CAP2: variants seen among roughly 807,000 people sequenced by gnomAD.
The protein encoded by CAP2 is cyclase associated actin cytoskeleton regulatory protein 2.
A neutral mutation model predicts 57.7 loss-of-function variants in CAP2; 24 were observed. That is an observed-to-expected ratio of 0.42 (90% confidence interval 0.30 to 0.58). The LOEUF is 0.58. Among genes scored for constraint, CAP2 ranks in the 20% least tolerant of loss-of-function variants. The pLI is 0.22. For synonymous variants in CAP2, 194 were observed against 207.2 expected (o/e 0.94, Z 0.55); for missense variants, 501 against 590.3 (o/e 0.85, Z 1.57).
chr6:17,451,511 A>C (rs1005790474), intron 3 of CAP2, among the ~76,000 whole-genome samples: 1 of 151,816 alleles, frequency 6.6e-6, no homozygotes, highest in African/African-American at 2.4e-5. Flanking sequence ...TATTCAGAAA[A>C]TACTTTTTTT....
In CAP2 at chr6:17,426,513, G is replaced by A. The variant is rs1015079670; in HGVS notation, c.122-77G>A. The A allele has an allele frequency of 1.9e-5, 19 of 1,019,170 alleles. No homozygotes were observed. In the African/African-American group the frequency reaches 2.8e-4, roughly 15 times the overall value. 63.1% of individuals were successfully genotyped at this position (1,019,170 alleles called of 1,614,324 possible). On this transcript the variant is annotated intron_variant, in intron 2 of 12. Coordinates refer to ENST00000229922, the MANE Select transcript of CAP2 (RefSeq NM_006366.3). The stretch of plus-strand genomic sequence containing the variant: ...GACTCCCAAAGTGCTAGGATTACAG[G>A]TGTGAGCCACCGTGCCCGGCTAGTC...
In CAP2 at chr6:17,436,705, AC is replaced by A. The variant is rs1284234110; in HGVS notation, c.222+10016del. On this transcript the variant is annotated intron_variant, in intron 3 of 12. Transcript: ENST00000229922. ...GCTCCAGTCTCCTCTCAAGCCTTCC[AC>A]TGACTGAACCCAGTGAGAATCCAGG... Among the ~76,000 whole-genome samples the A allele has an allele frequency of 5.3e-5, 8 of 152,076 alleles. No homozygotes were observed. In the East Asian group the frequency reaches 1.6e-3, roughly 30 times the overall value.
At chr6:17,439,255 G>GT (rs36031913) in intron 3 of CAP2, among the ~76,000 whole-genome samples, 92,829 of 146,522 alleles carry the variant, frequency 0.63, 30,488 homozygotes, top group East Asian at 0.86. Flanking sequence ...GGATCCAACT[G>GT]TTTTTTTTTT....
chr6:17,443,201 A>C (rs555545376), intron 3 of CAP2, among the ~76,000 whole-genome samples: 1 of 152,130 alleles, frequency 6.6e-6, no homozygotes, highest in African/African-American at 2.4e-5. Flanking sequence ...GCAGTGGGCC[A>C]CTATCACGGT....
At chr6:17,531,290 G>T in intron 7 of CAP2, 1 of 905,234 alleles carries the variant, frequency 1.1e-6, no homozygotes, top group Non-Finnish European at 1.8e-6. Flanking sequence ...TTCTGTTGAA[G>T]ATTTGACGAA....
At chr6:17,449,302 T>C (rs1760343199) in intron 3 of CAP2, among the ~76,000 whole-genome samples, 1 of 152,204 alleles carries the variant, frequency 6.6e-6, no homozygotes, top group African/African-American at 2.4e-5. Flanking sequence ...GGTTATCTAG[T>C]AGTATTTATA....
At chr6:17,486,556 A>G (rs988036044) in intron 4 of CAP2, among the ~76,000 whole-genome samples, 5 of 152,228 alleles carry the variant, frequency 3.3e-5, no homozygotes, top group Non-Finnish European at 7.3e-5. Context: ...CAGTAAGCCA[A>G]GATCACACCA....
intron 7 of CAP2, among the ~76,000 whole-genome samples, chr6:17,531,814 C>T (rs946294875): frequency 1.1e-4 from 17 of 152,168 alleles, no homozygotes; most frequent in Admixed American, 9.8e-4. Context: ...CCCAGACCGT[C>T]CTGAGGAGAG....
rs1369222880 is a variant in CAP2, at chr6:17,531,926, C to A, written c.637-7343C>A. Among the ~76,000 whole-genome samples, 3 of 152,176 alleles carry A rather than the reference C, an allele frequency of 2.0e-5. No individual in the cohort carries two copies. The East Asian group carries it at 5.8e-4, about 29-fold the overall frequency. On this transcript the variant is annotated intron_variant, in intron 7 of 12. Transcript: ENST00000229922. ...TACTTCTTTGTGCATTTGTCACCTC[C>A]ACTAGATTATGAGCTTCTTAAAAAA...
chr6:17,482,305 C>T (rs1036465805), intron 4 of CAP2, among the ~76,000 whole-genome samples: 1 of 151,948 alleles, frequency 6.6e-6, no homozygotes, highest in African/African-American at 2.4e-5. Flanking sequence ...GGTGGGAGAT[C>T]GAGACCATCC....
intron 4 of CAP2, 91 bp downstream of exon 4, chr6:17,463,164 G>A (rs1391375929): frequency 8.0e-6 from 7 of 872,376 alleles, no homozygotes; most frequent in Non-Finnish European, 1.3e-5. Context: ...TATTATAGTC[G>A]ACCTCCTAAA....
chr6:17,449,721 G>A (rs953369206), intron 3 of CAP2, among the ~76,000 whole-genome samples: 2 of 152,002 alleles, frequency 1.3e-5, no homozygotes, highest in Non-Finnish European at 2.9e-5. Context: ...TTATTTTATA[G>A]TTATATAATT....
intron 12 of CAP2, among the ~76,000 whole-genome samples, chr6:17,553,381 G>A (rs1324471133): frequency 1.3e-5 from 2 of 151,778 alleles, no homozygotes; most frequent in Non-Finnish European, 2.9e-5. Context: ...GCCTGTAAAT[G>A]CCAGCACTTT....
rs1554127023 is a variant in CAP2 at position 17,496,033 on chromosome 6, G to GGGC, written c.301-11134_301-11133insCGG. ...CTGTGCATGCGTGTGTGGGTGGGGG[G>GGGC]GGGGGGTAAGTCAGGGAAAACAGGC... On this transcript the variant is annotated intron_variant, in intron 4 of 12. Coordinates refer to ENST00000229922, the MANE Select transcript of CAP2 (RefSeq NM_006366.3). Among the ~76,000 whole-genome samples the GGGC allele has an allele frequency of 3.2e-4, 41 of 126,842 alleles. 2 individuals are homozygous for GGGC. Among genetic ancestry groups the GGGC allele is most frequent in the East Asian group, 5.0e-4 (2 of 3,970 alleles). The allele number at this position is 126,842 out of a possible 152,430, so 83.2% of individuals were successfully genotyped here. A position where few individuals can be genotyped will look rare whatever the true frequency, so the allele number is the denominator to read the frequency against.
chr6:17,538,842 C>CT (rs1304278769), intron 7 of CAP2, among the ~76,000 whole-genome samples: 2 of 152,206 alleles, frequency 1.3e-5, no homozygotes, highest in African/African-American at 4.8e-5. Flanking sequence ...TATTTTTACC[C>CT]TTCCCCACAC....
At chr6:17,454,360 C>G (rs1271112900) in intron 3 of CAP2, among the ~76,000 whole-genome samples, 2 of 151,992 alleles carry the variant, frequency 1.3e-5, no homozygotes, top group South Asian at 2.1e-4. Context: ...TAGACTCATC[C>G]AAGCCTTTTA....
At chr6:17,421,526 A>C (rs765289811) in intron 1 of CAP2, 29 bp from the exon 2 acceptor site, 1 of 1,614,004 alleles carries the variant, frequency 6.2e-7, no homozygotes, top group South Asian at 1.1e-5. Flanking sequence ...ATGCTCACGC[A>C]GCCTCCATTT....
At chr6:17,424,077 T>A (rs1319199009) in intron 2 of CAP2, among the ~76,000 whole-genome samples, 1 of 151,446 alleles carries the variant, frequency 6.6e-6, no homozygotes, top group East Asian at 1.9e-4. Context: ...CAAAAGTTAT[T>A]TTTTTTTTAA....
chr6:17,479,244 ACCT>A (rs1238126514), intron 4 of CAP2, among the ~76,000 whole-genome samples: 1 of 151,874 alleles, frequency 6.6e-6, no homozygotes, highest in East Asian at 1.9e-4. Context: ...TACCACACAC[ACCT>A]CCTCCAAATG....
Sources: gnomAD v4.1 joint callset for allele counts (sites outside exome capture counted in the v4.1 genomes callset) on GRCh38, gnomAD v4.1.1 for gene constraint, MANE v1.5 for transcripts, NCBI Gene and HGNC (gene_info 2026-07-23, HGNC 2026-07-21) for gene names.